CPQ: variants seen among roughly 807,000 people sequenced by gnomAD.
CPQ encodes the protein carboxypeptidase Q, also known as Ser-Met dipeptidase.
In CPQ, 37 loss-of-function variants were observed where a neutral mutation model predicts 45.7. The ratio of observed to expected loss-of-function variants is 0.81; its 90% CI spans 0.62 to 1.07. The LOEUF (loss-of-function observed/expected upper bound fraction) is 1.07, where lower values mean the gene tolerates loss of function less well. Among genes scored for constraint, CPQ ranks in the 50% least tolerant of loss-of-function variants. The pLI is 0.00. For synonymous variants in CPQ, 186 were observed against 205.8 expected, an observed-to-expected ratio of 0.90 and a Z score of 0.82; for missense variants, 537 against 572.9, an observed-to-expected ratio of 0.94 and a Z score of 0.64.
intron 7 of CPQ, among the ~76,000 whole-genome samples, chr8:97,097,839 A>C (rs1486940739): frequency 6.6e-6 from 1 of 152,154 alleles, no homozygotes; most frequent in Non-Finnish European, 1.5e-5. Context: ...AGAACATGTA[A>C]ATTTACAAGA....
chr8:97,024,325 C>G (rs752040642), intron 5 of CPQ, among the ~76,000 whole-genome samples: 4 of 152,050 alleles, frequency 2.6e-5, no homozygotes, highest in Non-Finnish European at 4.4e-5. Flanking sequence ...TTTTTCCACA[C>G]AGATTCTCCT....
intron 1 of CPQ, among the ~76,000 whole-genome samples, chr8:96,703,663 A>G (rs1181701799): frequency 1.3e-5 from 2 of 152,134 alleles, no homozygotes; most frequent in East Asian, 1.9e-4. Context: ...AATTTTGCAT[A>G]GTTTATTTCC....
At chr8:96,718,093 G>T (rs1247884093) in intron 1 of CPQ, among the ~76,000 whole-genome samples, 19 of 152,290 alleles carry the variant, frequency 1.2e-4, no homozygotes, top group Admixed American at 1.2e-3. Flanking sequence ...CTCCCAGCCT[G>T]CCCTAGAAGC....
chr8:97,045,156 G>A lies in CPQ; in HGVS notation c.1053+15662G>A, dbSNP rs1356385147. Among the ~76,000 whole-genome samples, 12 of 152,152 alleles carry A rather than the reference G, an allele frequency of 7.9e-5. 1 individual carries two copies. Among genetic ancestry groups the A allele is most frequent in the South Asian group, 4.1e-4 (2 of 4,828 alleles). On this transcript the variant is annotated intron_variant, in intron 6 of 7. Transcript: ENST00000220763. ...GGGCTCCACCCAGTTCGAGCTTCCC[G>A]GCTGCTTTTTTTACCTAAGCAAGCC... is the stretch of plus-strand genomic sequence containing the variant.
intron 1 of CPQ, among the ~76,000 whole-genome samples, chr8:96,783,306 A>C (rs1160466937): frequency 6.6e-6 from 1 of 151,466 alleles, no homozygotes; most frequent in Non-Finnish European, 1.5e-5. Context: ...AGAATACCAC[A>C]GACGGAGTAA....
intron 5 of CPQ, among the ~76,000 whole-genome samples, chr8:96,994,815 CA>C (rs1443456961): frequency 1.3e-5 from 2 of 152,002 alleles, no homozygotes; most frequent in Non-Finnish European, 2.9e-5. Flanking sequence ...ATTATATGGA[CA>C]TCGACCTATT....
intron 1 of CPQ, among the ~76,000 whole-genome samples, chr8:96,765,318 A>ACTTC: frequency 6.6e-6 from 1 of 152,182 alleles, no homozygotes; most frequent in Middle Eastern, 3.2e-3. Context: ...TTTCAAAAAC[A>ACTTC]TGGGCCAAGG....
intron 1 of CPQ, among the ~76,000 whole-genome samples, chr8:96,757,362 TAATAATA>T (rs1251450010): frequency 2.8e-5 from 1 of 35,418 alleles, no homozygotes; most frequent in Non-Finnish European, 7.0e-5. Flanking sequence ...ATGATAATAA[TAATAATA>T]ATAATAATAA....
At chr8:96,826,629 A>T (rs7002534) in intron 2 of CPQ, among the ~76,000 whole-genome samples, 86,625 of 151,608 alleles carry the variant, frequency 0.57, 26,036 homozygotes, top group East Asian at 0.88. Context: ...TTTTTCTTTT[A>T]CTTTTTAAGT....
chr8:96,771,134 T>G (rs1810539048), intron 1 of CPQ, among the ~76,000 whole-genome samples: 1 of 147,328 alleles, frequency 6.8e-6, no homozygotes, highest in Non-Finnish European at 1.5e-5. Context: ...TTAATGTTTA[T>G]AAATATATAA....
chr8:96,838,477 A>G (rs1811560730), intron 3 of CPQ, among the ~76,000 whole-genome samples: 1 of 152,114 alleles, frequency 6.6e-6, no homozygotes, highest in South Asian at 2.1e-4. Context: ...AGGCCTGGAT[A>G]TGGCACACCT....
intron 1 of CPQ, chr8:96,760,986 G>C (rs1254509751): frequency 6.6e-6 from 1 of 152,146 alleles, no homozygotes; most frequent in East Asian, 1.9e-4. Context: ...AGCTGTAAAA[G>C]TCTCAGTTAG....
chr8:97,098,730 G>C (rs1220147681), intron 7 of CPQ, among the ~76,000 whole-genome samples: 1 of 152,128 alleles, frequency 6.6e-6, no homozygotes, highest in East Asian at 1.9e-4. Flanking sequence ...TCTGGAGGAA[G>C]TCTGTTCTCC....
intron 1 of CPQ, among the ~76,000 whole-genome samples, chr8:96,669,512 A>T (rs762139273): frequency 3.9e-5 from 6 of 152,228 alleles, no homozygotes; most frequent in Non-Finnish European, 7.3e-5. Flanking sequence ...GGAGTCTCAT[A>T]ACATAATATA....
chr8:97,019,575 A>G (rs1809641767), intron 5 of CPQ, among the ~76,000 whole-genome samples: 1 of 152,192 alleles, frequency 6.6e-6, no homozygotes, highest in African/African-American at 2.4e-5. Context: ...AGGAGTAGCT[A>G]TTCTTTTATC....
chr8:96,931,107 T>G (rs1282679596), intron 4 of CPQ, among the ~76,000 whole-genome samples: 1 of 152,260 alleles, frequency 6.6e-6, no homozygotes, highest in East Asian at 1.9e-4. Flanking sequence ...CCTTCCTTCT[T>G]CCCCGTAAGG....
At chr8:96,781,038 A>G (rs1276530130) in intron 1 of CPQ, among the ~76,000 whole-genome samples, 1 of 152,120 alleles carries the variant, frequency 6.6e-6, no homozygotes, top group Non-Finnish European at 1.5e-5. Context: ...TTTTCTTATA[A>G]TTTAGTAGTT....
Position 96,932,605 on chromosome 8 carries a change from T to C in CPQ, c.850-33330T>C, listed in dbSNP as rs79301686. Among the ~76,000 whole-genome samples the C allele has an allele frequency of 2.2e-3, 330 of 152,278 alleles. 4 individuals are homozygous for C. The highest frequency in any genetic ancestry group is 7.6e-3 in the African/African-American group (314 of 41,556). On this transcript the variant is annotated intron_variant, in intron 4 of 7. Coordinates refer to ENST00000220763, the MANE Select transcript of CPQ (RefSeq NM_016134.4). The stretch of plus-strand genomic sequence containing the variant: ...CATAACAACCCAGCCCCAAACTGCC[T>C]TTCCAGTCATCGTGAATTACATGTT...
intron 4 of CPQ, among the ~76,000 whole-genome samples, chr8:96,936,968 T>TCCTTCCTTCCTC (rs1813060361): frequency 6.6e-6 from 1 of 152,120 alleles, no homozygotes; most frequent in East Asian, 1.9e-4. Flanking sequence ...TTTCCTTCCT[T>TCCTTCCTTCCTC]CCTTCCTTCC....
Sources: allele counts gnomAD v4.1 joint callset (sites outside exome capture counted in the v4.1 genomes callset), GRCh38; gene constraint gnomAD v4.1.1; transcripts MANE v1.5; gene names NCBI Gene and HGNC (gene_info 2026-07-23, HGNC 2026-07-21).